SMOC1: variants seen among roughly 807,000 people sequenced by gnomAD.
SMOC1 encodes SPARC-related modular calcium-binding protein 1.
SMOC1 carries 22 observed loss-of-function variants against 56.3 expected under a neutral mutation model. The ratio of observed to expected loss-of-function variants is 0.39; its 90% confidence interval spans 0.28 to 0.56. The LOEUF is 0.56. SMOC1 is among the 20% of genes least tolerant of loss of function. The probability of loss-of-function intolerance (pLI) is 0.61; values close to 1 mark genes in which losing one functional copy is unlikely to be tolerated. For synonymous variants in SMOC1, 193 were observed against 215.0 expected, an observed-to-expected ratio of 0.90 and a Z score of 0.89; for missense variants, 509 against 565.4, an observed-to-expected ratio of 0.90 and a Z score of 1.01.
rs139225830 is a variant in SMOC1, at chr14:69,966,163, T to G, written c.379-9552T>G. 8.9e-4 allele frequency among the ~76,000 whole-genome samples: 135 copies of G among 152,304 alleles called. 1 individual carries two copies. Among genetic ancestry groups the G allele is most frequent in the African/African-American group, 2.9e-3 (121 of 41,544 alleles). On this transcript the variant is annotated intron_variant, in intron 3 of 11. Coordinates refer to ENST00000361956, the MANE Select transcript of SMOC1 (RefSeq NM_001034852.3). ...TATGAGGGACTTTCTTATTATGTACTTTTTAAACATAAAAATATATTTGAT... is the reference window on the plus strand; with the variant it reads ...TATGAGGGACTTTCTTATTATGTACGTTTTAAACATAAAAATATATTTGAT...
chr14:70,003,566 A>G (rs544178579), intron 7 of SMOC1, among the ~76,000 whole-genome samples: 32 of 152,308 alleles, frequency 2.1e-4, no homozygotes, highest in African/African-American at 7.0e-4. Flanking sequence ...GGGTTCTTGG[A>G]CCAAGTACCC....
chr14:70,026,761 G>T (rs1274987002), intron 11 of SMOC1, among the ~76,000 whole-genome samples: 2 of 152,130 alleles, frequency 1.3e-5, no homozygotes, highest in Non-Finnish European at 2.9e-5. Context: ...GTCTGTTTGT[G>T]CATGTCTCTG....
intron 1 of SMOC1, among the ~76,000 whole-genome samples, chr14:69,907,383 C>T (rs1884438377): frequency 6.6e-6 from 1 of 152,184 alleles, no homozygotes; most frequent in Non-Finnish European, 1.5e-5. Flanking sequence ...TACTGATTAT[C>T]TATTTTCTTG....
chr14:69,914,097 C>G (rs1482777070), intron 1 of SMOC1, among the ~76,000 whole-genome samples: 1 of 152,156 alleles, frequency 6.6e-6, no homozygotes, highest in African/African-American at 2.4e-5. Context: ...CAGATTTGAT[C>G]CCCAGCAAAG....
In SMOC1 at chr14:69,961,342, C is replaced by T. The variant is rs1003409646; in HGVS notation, c.378+7810C>T. Among the ~76,000 whole-genome samples, 65 of 129,516 alleles carry T rather than the reference C, an allele frequency of 5.0e-4. 1 individual carries two copies. The highest frequency in any genetic ancestry group is 1.7e-3 in the Admixed American group (20 of 11,848). The allele number at this position is 129,516 out of a possible 152,430, so 85.0% of individuals were successfully genotyped here. ...TATCCTGTTTTATTTATTCATTCAT[C>T]AGCTGATGGACATTTGGGTTGTTTC... On this transcript the variant is annotated intron_variant, in intron 3 of 11. Transcript: ENST00000361956.
In SMOC1 at chr14:69,879,777, G is replaced by A. The variant is rs773225511; in HGVS notation, c.99G>A (p.Arg33=). ...GCGGCCACCGCACCACAGGCCCCAG[G>A]GTAAGTGCGCCCCCAGCTTTGCGCC... ...PARGHRTTGP[R]FLISDRDPQC... The change falls in exon 1 of 12, where the codon AGG becomes AGA. Residue 33 remains arginine, a splice_region_variant and synonymous_variant. Transcript: ENST00000361956. 2.3e-5 allele frequency: 37 copies of A among 1,586,164 alleles called. No individual in the cohort carries two copies. Among genetic ancestry groups the A allele is most frequent in the Non-Finnish European group, 3.0e-5 (35 of 1,173,290 alleles).
At chr14:70,018,958 G>C (rs2139606444) in intron 10 of SMOC1, among the ~76,000 whole-genome samples, 1 of 152,364 alleles carries the variant, frequency 6.6e-6, no homozygotes, top group South Asian at 2.1e-4. Flanking sequence ...AGTGCCTCCA[G>C]GCCGTCCCGC....
At chr14:69,915,218 A>G (rs1241092591) in intron 1 of SMOC1, among the ~76,000 whole-genome samples, 1 of 152,150 alleles carries the variant, frequency 6.6e-6, no homozygotes, top group Non-Finnish European at 1.5e-5. Flanking sequence ...CTCCTTCTTC[A>G]ATCTCAGCCT....
At chr14:69,923,199 C>T (rs1266266924) in intron 1 of SMOC1, among the ~76,000 whole-genome samples, 1 of 152,080 alleles carries the variant, frequency 6.6e-6, no homozygotes, top group Non-Finnish European at 1.5e-5. Context: ...CCTGCCTTGG[C>T]CTCCCAAAGT....
At chr14:69,977,192 A>T (rs767503453) in intron 4 of SMOC1, among the ~76,000 whole-genome samples, 1 of 152,212 alleles carries the variant, frequency 6.6e-6, no homozygotes, top group Admixed American at 6.5e-5. Flanking sequence ...GACTCCACAG[A>T]TGCCCTTCTG....
intron 3 of SMOC1, among the ~76,000 whole-genome samples, chr14:69,965,930 T>G (rs1883559127): frequency 6.6e-6 from 1 of 152,212 alleles, no homozygotes. Context: ...ACTAAACTCT[T>G]CTGCAAAATT....
intron 3 of SMOC1, among the ~76,000 whole-genome samples, chr14:69,970,425 G>A (rs1013702165): frequency 6.6e-6 from 1 of 152,168 alleles, no homozygotes; most frequent in Non-Finnish European, 1.5e-5. Context: ...CAGTCCATCA[G>A]TTCTGAAATT....
chr14:69,887,807 G>A (rs1273305059), intron 1 of SMOC1, among the ~76,000 whole-genome samples: 1 of 152,198 alleles, frequency 6.6e-6, no homozygotes, highest in Non-Finnish European at 1.5e-5. Context: ...ACCCTGCAGA[G>A]TGGAAGTGTT....
intron 3 of SMOC1, among the ~76,000 whole-genome samples, chr14:69,966,135 A>G (rs956748963): frequency 1.3e-5 from 2 of 152,160 alleles, no homozygotes; most frequent in East Asian, 1.9e-4. Context: ...AAATGCTCCT[A>G]TTTATGAGGG....
At chr14:70,011,164 CCT>C (rs1034384074) in intron 8 of SMOC1, among the ~76,000 whole-genome samples, 2 of 152,144 alleles carry the variant, frequency 1.3e-5, no homozygotes, top group African/African-American at 2.4e-5. Flanking sequence ...CAGTACTTAA[CCT>C]CTCTGAACGT....
chr14:70,009,978 G>T (rs1401416767), intron 7 of SMOC1, among the ~76,000 whole-genome samples: 1 of 152,214 alleles, frequency 6.6e-6, no homozygotes, highest in Non-Finnish European at 1.5e-5. Flanking sequence ...GATGTGAGAT[G>T]CCCTGGAGCT....
intron 1 of SMOC1, among the ~76,000 whole-genome samples, chr14:69,916,868 C>T (rs1884699375): frequency 6.6e-6 from 1 of 152,206 alleles, no homozygotes; most frequent in South Asian, 2.1e-4. Context: ...TCAGTTGGTT[C>T]TGTCCTCCTG....
chr14:70,014,626 C>T (rs914586768), intron 10 of SMOC1, among the ~76,000 whole-genome samples: 7 of 152,180 alleles, frequency 4.6e-5, no homozygotes, highest in African/African-American at 1.7e-4. Flanking sequence ...AAGACTTCTG[C>T]TCATGCTCAT....
At chr14:69,942,505 G>A (rs1414811677) in intron 1 of SMOC1, among the ~76,000 whole-genome samples, 2 of 152,118 alleles carry the variant, frequency 1.3e-5, no homozygotes, top group African/African-American at 2.4e-5. Flanking sequence ...ATATAGTTGT[G>A]TAACCACTAC....
Sources: gnomAD v4.1 joint callset for allele counts (sites outside exome capture counted in the v4.1 genomes callset) on GRCh38, gnomAD v4.1.1 for gene constraint, MANE v1.5 for transcripts, NCBI Gene and HGNC (gene_info 2026-07-23, HGNC 2026-07-21) for gene names.